STAC2: variants seen among roughly 807,000 people sequenced by gnomAD.
The protein encoded by STAC2 is SH3 and cysteine rich domain 2.
Under a neutral mutation model 49.0 loss-of-function variants are expected in STAC2, and 36 were observed. That is an observed-to-expected ratio of 0.74 (90% CI 0.56 to 0.97). The LOEUF (loss-of-function observed/expected upper bound fraction) is 0.97. STAC2 is among the 50% of genes least tolerant of loss of function. The pLI is 0.00. For synonymous variants in STAC2, 239 were observed against 214.7 expected, an observed-to-expected ratio of 1.11 and a Z score of -0.99; for missense variants, 527 against 543.8, an observed-to-expected ratio of 0.97 and a Z score of 0.31.
chr17:39,218,976 C>A lies in STAC2; in HGVS notation c.91-803G>T, dbSNP rs149237197. On this transcript the variant is annotated intron_variant, in intron 1 of 10. Transcript: ENST00000333461. ...CGACAGAAAGTCTCTCTAGCCCTCC[C>A]CTCCCTCCCATTGACTCGTCACCTC... 3.0e-4 allele frequency among the ~76,000 whole-genome samples: 46 copies of A among 152,154 alleles called. No individual in the cohort carries two copies. In the East Asian group the frequency reaches 3.7e-3, roughly 12 times the overall value.
In STAC2 at chr17:39,217,188, G is replaced by T. The variant is rs899628671; in HGVS notation, c.398-15C>A. 22 of 1,611,046 alleles carry T rather than the reference G, an allele frequency of 1.4e-5. No homozygotes were observed. The highest frequency in any genetic ancestry group is 1.7e-5 in the Non-Finnish European group (20 of 1,178,902). On this transcript the variant is annotated splice_polypyrimidine_tract_variant and intron_variant, in intron 2 of 10. Transcript: ENST00000333461. ...TTTGGAGTTTCCTAGGAAGAATTTG[G>T]GTTCAGCAATTGAGGACACCCCCGT...
At chr17:39,212,920 C>T (rs2046366827) in intron 10 of STAC2, 75 bp downstream of exon 10, 25 of 1,578,198 alleles carry the variant, frequency 1.6e-5, no homozygotes, top group South Asian at 9.2e-5. Context: ...AGCATTTACC[C>T]CCGCACCGCA....
chr17:39,214,746 C>T (rs368357019), intron 7 of STAC2, 45 bp downstream of exon 7: 296 of 1,602,648 alleles, frequency 1.8e-4, no homozygotes, highest in Non-Finnish European at 2.3e-4. Context: ...AAATTACACC[C>T]GCTTCCCACC....
intron 4 of STAC2, among the ~76,000 whole-genome samples, chr17:39,215,747 A>G (rs1390508085): frequency 6.6e-6 from 1 of 151,926 alleles, no homozygotes; most frequent in Non-Finnish European, 1.5e-5. Context: ...TCTGCCGCCC[A>G]GGCTGGAGTA....
At chr17:39,221,300 C>T (rs1406008484) in intron 1 of STAC2, among the ~76,000 whole-genome samples, 2 of 151,814 alleles carry the variant, frequency 1.3e-5, no homozygotes, top group East Asian at 1.9e-4. Context: ...GGGGTTTCAC[C>T]GTATTGGCTA....
At position 39,217,938 on chromosome 17, in the gene STAC2, C is replaced by T. The variant is rs745308362; in HGVS notation, c.326G>A (p.Arg109Lys). Reference sequence around the variant, plus strand: ...GACATGTTCCTGGAAGCTGTGCAGCCTCACTGGTTTGAGCGCTGCCAGGGG... The same window carrying T: ...GACATGTTCCTGGAAGCTGTGCAGCTTCACTGGTTTGAGCGCTGCCAGGGG... ...PRPLAALKPV[R>K]LHSFQEHVFK... The change falls in exon 2 of 11, where the codon AGG becomes AAG. Residue 109 changes from arginine (R) to lysine (K), a missense_variant. Arg to Lys is a conservative substitution (Grantham distance 26). Coordinates refer to ENST00000333461, the MANE Select transcript of STAC2 (RefSeq NM_198993.5). The T allele has an allele frequency of 6.2e-7, 1 of 1,603,278 alleles. No homozygotes were observed. The highest frequency in any genetic ancestry group is 8.5e-7 in the Non-Finnish European group (1 of 1,175,410).
chr17:39,216,809 C>T lies in STAC2; in HGVS notation c.586+1G>A, dbSNP rs1460941689. ...GGACTGCGGCCAGGGGGGGCACTCA[C>T]CAGTGGGTGGGGACTCTTTGCTTGT... is the stretch of plus-strand genomic sequence containing the variant. On this transcript the variant is annotated splice_donor_variant, in intron 4 of 10. Transcript: ENST00000333461. LOFTEE classifies it high-confidence loss of function. The T allele has an allele frequency of 3.7e-5, 58 of 1,585,680 alleles. 1 individual carries two copies. The highest frequency in any genetic ancestry group is 4.8e-5 in the Non-Finnish European group (56 of 1,166,286).
At chr17:39,216,691 C>G in intron 4 of STAC2, 119 bp downstream of exon 4, 1 of 969,602 alleles carries the variant, frequency 1.0e-6, no homozygotes, top group South Asian at 1.6e-5. Flanking sequence ...CAACCTCCGC[C>G]TCCTGGGTTC....
Position 39,211,932 on chromosome 17 carries a change from C to A in STAC2, c.*360G>T. 1 of 219,388 alleles carries A rather than the reference C, an allele frequency of 4.6e-6. No homozygotes were observed. Among genetic ancestry groups the A allele is most frequent in the South Asian group, 7.4e-5 (1 of 13,500 alleles). 13.6% of individuals were successfully genotyped at this position (219,388 alleles called of 1,614,324 possible). A position where few individuals can be genotyped will look rare whatever the true frequency, so the allele number is the denominator to read the frequency against. ...GCCAGGCATGCGCAGGTGGTGTGGG[C>A]AGGGGAAGGCTGGGAGAAGCAGCAA... On this transcript the variant is annotated 3_prime_UTR_variant, in exon 11 of 11. Transcript: ENST00000333461.
chr17:39,218,007 C>T lies in STAC2; in HGVS notation c.257G>A (p.Arg86Lys), dbSNP rs863223351. Residue 86 changes from arginine to lysine, a missense_variant, in exon 2 of 11, where the codon AGG becomes AAG. Coordinates refer to ENST00000333461, the MANE Select transcript of STAC2 (RefSeq NM_198993.5). The part of the protein sequence containing the change: ...PPSPPPTASD[R>K]GLATPSPSPC... ...GGAGGGGGATGGGGTAGCCAGGCCC[C>T]TGTCCGAGGCTGTGGGTGGTGGGGA... is the stretch of plus-strand genomic sequence containing the variant. The T allele has an allele frequency of 2.0e-6, 3 of 1,535,974 alleles. No homozygotes were observed. Among genetic ancestry groups the T allele is most frequent in the Non-Finnish European group, 8.8e-7 (1 of 1,135,256 alleles).
rs769771873 is a variant in STAC2 at position 39,214,309 on chromosome 17, T to C, written c.865A>G (p.Lys289Glu). 1.2e-6 allele frequency: 2 copies of C among 1,613,946 alleles called. No individual in the cohort carries two copies. The highest frequency in any genetic ancestry group is 2.2e-5 in the South Asian group (2 of 91,086). The change falls in exon 8 of 11, where the codon AAG (lysine) becomes GAG (glutamate). Residue 289 changes from lysine (K) to glutamate (E), a missense_variant. Lys to Glu is a moderately conservative substitution (Grantham distance 56, BLOSUM62 1). Transcript: ENST00000333461. ...TAGGAGTACATGGGCCCCACATCCT[T>C]CCGCAGGGTGGCTTTGGGGAGCTGC... ...GQQLPKATLR[K>E]DVGPMYSYVA...
At position 39,217,267 on chromosome 17, in the gene STAC2, C is replaced by T. The variant is rs1410941690; in HGVS notation, c.398-94G>A. 7.2e-6 allele frequency: 9 copies of T among 1,245,534 alleles called. No homozygotes were observed. In the Admixed American group the frequency reaches 9.1e-5, roughly 13 times the overall value. 77.2% of individuals were successfully genotyped at this position (1,245,534 alleles called of 1,614,324 possible). A position where few individuals can be genotyped will look rare whatever the true frequency, so the allele number is the denominator to read the frequency against. On this transcript the variant is annotated intron_variant, in intron 2 of 10. Transcript: ENST00000333461. ...GGGGATGAGGAGAGCAGGGGTTGGG[C>T]ATTCTCATGCCAGCCTTGAGGCCCA...
chr17:39,220,537 C>T (rs1415406862), intron 1 of STAC2, among the ~76,000 whole-genome samples: 3 of 151,568 alleles, frequency 2.0e-5, no homozygotes, highest in Admixed American at 6.6e-5. Context: ...TGCAGTGGCA[C>T]GATCTCAGCT....
chr17:39,218,288 T>C, intron 1 of STAC2, 115 bp from the exon 2 acceptor site: 1 of 1,108,140 alleles, frequency 9.0e-7, no homozygotes, highest in Non-Finnish European at 1.3e-6. Flanking sequence ...AGCAGCAGCG[T>C]GGGGGCTGAG....
intron 1 of STAC2, among the ~76,000 whole-genome samples, chr17:39,220,285 G>C (rs2046448492): frequency 6.6e-6 from 1 of 152,170 alleles, no homozygotes; most frequent in Non-Finnish European, 1.5e-5. Flanking sequence ...TGTGGCTCTG[G>C]GGGCTTGGAT....
intron 1 of STAC2, among the ~76,000 whole-genome samples, chr17:39,220,469 A>T (rs2046450502): frequency 7.1e-6 from 1 of 141,458 alleles, no homozygotes. Context: ...TCCAAGAGGG[A>T]AGCCTAGATA....
In STAC2 at chr17:39,214,860, T is replaced by C; in HGVS notation, c.774A>G (p.Ala258=). The C allele has an allele frequency of 1.9e-6, 3 of 1,613,984 alleles. No individual in the cohort carries two copies. The highest frequency in any genetic ancestry group is 2.5e-6 in the Non-Finnish European group (3 of 1,179,944). The stretch of plus-strand genomic sequence containing the variant: ...CTGCTGGGGCTGTGAATACTGGAGA[T>C]GCTAGGGGCAGGAGAGGGAAAGGGT... The part of the protein sequence containing the change: ...RSSEEGPGDS[A]SPVFTAPAES... Residue 258 remains alanine (A), a splice_region_variant and synonymous_variant, in exon 7 of 11, where the codon GCA becomes GCG. Coordinates refer to ENST00000333461, the MANE Select transcript of STAC2 (RefSeq NM_198993.5).
At chr17:39,221,119 G>A (rs973502710) in intron 1 of STAC2, among the ~76,000 whole-genome samples, 22 of 149,634 alleles carry the variant, frequency 1.5e-4, no homozygotes, top group Non-Finnish European at 3.0e-4. Context: ...TTTTTGAGAC[G>A]GAGTCTTGCT....
At chr17:39,221,389 G>A (rs1024073324) in intron 1 of STAC2, among the ~76,000 whole-genome samples, 47 of 152,210 alleles carry the variant, frequency 3.1e-4, no homozygotes, top group Non-Finnish European at 4.6e-4. Context: ...GTCAGCCACC[G>A]CGCCTGGCCA....
Sources: gnomAD v4.1 joint callset for allele counts (sites outside exome capture counted in the v4.1 genomes callset) on GRCh38, gnomAD v4.1.1 for gene constraint, MANE v1.5 for transcripts, NCBI Gene and HGNC (gene_info 2026-07-23, HGNC 2026-07-21) for gene names.